C3orf62: variants seen among roughly 807,000 people sequenced by gnomAD.
The protein encoded by C3orf62 is uncharacterized protein C3orf62.
In C3orf62, 16 loss-of-function variants were observed where a neutral mutation model predicts 21.7. The ratio of observed to expected loss-of-function variants is 0.74; its 90% CI spans 0.50 to 1.12. The LOEUF is 1.12. Ranked by LOEUF, C3orf62 falls within the 50% of genes most tolerant of loss-of-function variation. The pLI, the probability that C3orf62 is intolerant of heterozygous loss-of-function variation, is 0.00. For synonymous variants in C3orf62, 114 were observed against 117.0 expected (o/e 0.97, Z 0.17); for missense variants, 310 against 318.8 (o/e 0.97, Z 0.21).
At chr3:49,274,182 G>T in intron 1 of C3orf62, 42 bp from the exon 2 acceptor site, 2 of 1,462,970 alleles carry the variant, frequency 1.4e-6, no homozygotes, top group South Asian at 1.1e-5. Context: ...TGGGGAATTA[G>T]ATTCTCTTTC....
At chr3:49,274,371 C>A in intron 1 of C3orf62, 1 of 460,284 alleles carries the variant, frequency 2.2e-6, no homozygotes, top group Admixed American at 3.6e-5. Flanking sequence ...AAATTTTTTT[C>A]TTTTTTAGAG....
Position 49,269,607 on chromosome 3 carries a change from G to T in C3orf62, c.*1573C>A, listed in dbSNP as rs1211687176. ...ACTCCACAGGCTGTGAATGCTTTGTGCTACCTCCTGCAGGGTCTGAGTGGT... is the reference window on the plus strand; with the variant it reads ...ACTCCACAGGCTGTGAATGCTTTGTTCTACCTCCTGCAGGGTCTGAGTGGT... On this transcript the variant is annotated 3_prime_UTR_variant, in exon 3 of 3. Transcript: ENST00000343010. 3 of 152,246 alleles carry T rather than the reference G, an allele frequency of 2.0e-5. No homozygotes were observed. The highest frequency in any genetic ancestry group is 7.2e-5 in the African/African-American group (3 of 41,454). The allele number at this position is 152,246 out of a possible 1,614,324, so 9.4% of individuals were successfully genotyped here.
At chr3:49,274,261 A>G in intron 1 of C3orf62, 121 bp from the exon 2 acceptor site, 1 of 705,580 alleles carries the variant, frequency 1.4e-6, no homozygotes, top group Non-Finnish European at 2.4e-6. Context: ...TGACCTTGTC[A>G]TTTATGCTTT....
Position 49,270,984 on chromosome 3 carries a change from C to A in C3orf62, c.*196G>T. 3 of 571,934 alleles carry A rather than the reference C, an allele frequency of 5.2e-6. No homozygotes were observed. The highest frequency in any genetic ancestry group is 2.9e-5 in the East Asian group (1 of 35,044). The allele number at this position is 571,934 out of a possible 1,614,324, so 35.4% of individuals were successfully genotyped here. ...AAAAAAAAAAATCAGTAATAGGAAA[C>A]ATTTCAAAGCAATGGAATTCAAAAA... is the stretch of plus-strand genomic sequence containing the variant. On this transcript the variant is annotated 3_prime_UTR_variant, in exon 3 of 3. Transcript: ENST00000343010.
intron 1 of C3orf62, 68 bp from the exon 2 acceptor site, chr3:49,274,208 G>T: frequency 1.6e-6 from 2 of 1,230,680 alleles, no homozygotes; most frequent in East Asian, 4.7e-5. Flanking sequence ...AATATTGAAG[G>T]GAAACTCAGT....
At chr3:49,273,743 C>T (rs185280570) in intron 2 of C3orf62, among the ~76,000 whole-genome samples, 2 of 151,962 alleles carry the variant, frequency 1.3e-5, no homozygotes, top group Non-Finnish European at 2.9e-5. Context: ...GCAACCTCTG[C>T]CTCCCGGGTT....
chr3:49,272,534 CTTTTTTTTTTTTTTTTT>C (rs746086446), intron 2 of C3orf62, among the ~76,000 whole-genome samples: 1 of 51,810 alleles, frequency 1.9e-5, no homozygotes, highest in African/African-American at 8.6e-5. Context: ...TTCTCCTAAT[CTTTTTTTTTTTTTTTTT>C]TTTTTTTTTT....
Position 49,277,088 on chromosome 3 carries a change from C to T in C3orf62, c.-216G>A. On this transcript the variant is annotated 5_prime_UTR_variant, in exon 1 of 3. Coordinates refer to ENST00000343010, the MANE Select transcript of C3orf62 (RefSeq NM_198562.3). ...CCCCACTTCCCACAGCTTCCTGGCC[C>T]GCCCCGCCGCTGCCTCCCGCCCCAC... 6.7e-7 allele frequency: 1 copy of T among 1,487,928 alleles called. No individual in the cohort carries two copies. The highest frequency in any genetic ancestry group is 9.0e-7 in the Non-Finnish European group (1 of 1,116,824). The allele number at this position is 1,487,928 out of a possible 1,614,324, so 92.2% of individuals were successfully genotyped here.
At chr3:49,272,867 T>C (rs2046923576) in intron 2 of C3orf62, among the ~76,000 whole-genome samples, 1 of 152,094 alleles carries the variant, frequency 6.6e-6, no homozygotes, top group African/African-American at 2.4e-5. Flanking sequence ...TCTCCTAATC[T>C]TTAATTACTG....
Position 49,277,075 on chromosome 3 carries a change from C to G in C3orf62, c.-203G>C, listed in dbSNP as rs1180724657. On this transcript the variant is annotated 5_prime_UTR_variant, in exon 1 of 3. Coordinates refer to ENST00000343010, the MANE Select transcript of C3orf62 (RefSeq NM_198562.3). ...CAAAGACGCCCCGCCCCACTTCCCA[C>G]AGCTTCCTGGCCCGCCCCGCCGCTG... The G allele has an allele frequency of 1.3e-6, 2 of 1,486,948 alleles. No homozygotes were observed. The highest frequency in any genetic ancestry group is 1.8e-6 in the Non-Finnish European group (2 of 1,118,374). 92.1% of individuals were successfully genotyped at this position (1,486,948 alleles called of 1,614,324 possible). A position where few individuals can be genotyped will look rare whatever the true frequency, so the allele number is the denominator to read the frequency against.
chr3:49,274,342 G>A, intron 1 of C3orf62: 1 of 545,668 alleles, frequency 1.8e-6, no homozygotes, highest in Non-Finnish European at 3.3e-6. Context: ...AATGACTCAC[G>A]AGCATCGCAG....
Position 49,276,686 on chromosome 3 carries a change from G to T in C3orf62, c.187C>A (p.Leu63Ile), listed in dbSNP as rs748190744. Residue 63 changes from leucine to isoleucine, a missense_variant, in exon 1 of 3, where the codon CTC (leucine) becomes ATC (isoleucine). By Grantham distance (5) the Leu-to-Ile change is conservative. Coordinates refer to ENST00000343010, the MANE Select transcript of C3orf62 (RefSeq NM_198562.3). ...GCCAGAGGATGTCTTCTGCAGAGGA[G>T]CCTGTGCACGGGCAGCGAGAAGGAG... ...PLSFSLPVHR[L>I]LCRRHPLAAC... The T allele has an allele frequency of 1.2e-6, 2 of 1,614,198 alleles. No homozygotes were observed. Among genetic ancestry groups the T allele is most frequent in the South Asian group, 2.2e-5 (2 of 91,084 alleles).
chr3:49,275,529 T>TGG (rs1309432110), intron 1 of C3orf62, among the ~76,000 whole-genome samples: 1 of 114,112 alleles, frequency 8.8e-6, no homozygotes, highest in African/African-American at 3.4e-5. Context: ...GTTTTTTTTT[T>TGG]TTTTTTTTTT....
At position 49,271,119 on chromosome 3, in the gene C3orf62, C is replaced by A; in HGVS notation, c.*61G>T. The A allele has an allele frequency of 6.5e-7, 1 of 1,541,654 alleles. No individual in the cohort carries two copies. The highest frequency in any genetic ancestry group is 8.8e-7 in the Non-Finnish European group (1 of 1,136,748). On this transcript the variant is annotated 3_prime_UTR_variant, in exon 3 of 3. Coordinates refer to ENST00000343010, the MANE Select transcript of C3orf62 (RefSeq NM_198562.3). The stretch of plus-strand genomic sequence containing the variant: ...TGGCCCCTGACGGCCATTGTAGCTG[C>A]TTCTGCTCAGGCTCAAGGGCAGCCT...
chr3:49,276,401 T>A, intron 1 of C3orf62, 26 bp downstream of exon 1: 2 of 1,592,730 alleles, frequency 1.3e-6, no homozygotes, highest in Non-Finnish European at 1.7e-6. Flanking sequence ...TAATTGTAGC[T>A]GTTAAACCAT....
intron 2 of C3orf62, among the ~76,000 whole-genome samples, chr3:49,272,426 GAAA>G (rs1343369662): frequency 6.8e-6 from 1 of 146,312 alleles, no homozygotes; most frequent in Non-Finnish European, 1.5e-5. Flanking sequence ...TTTGTATGTA[GAAA>G]AAAAGTCTGA....
chr3:49,268,846 A>C lies in C3orf62; in HGVS notation c.*2334T>G, dbSNP rs1343737577. The C allele has an allele frequency of 6.6e-6, 1 of 151,998 alleles. No homozygotes were observed. The highest frequency in any genetic ancestry group is 1.5e-5 in the Non-Finnish European group (1 of 68,042). The allele number at this position is 151,998 out of a possible 1,614,324, so 9.4% of individuals were successfully genotyped here. ...CAGTGATGCGATCTTGGCTCACTGC[A>C]ACCTCCACCTCCTGGGTTCAAGCAA... On this transcript the variant is annotated 3_prime_UTR_variant, in exon 3 of 3. Coordinates refer to ENST00000343010, the MANE Select transcript of C3orf62 (RefSeq NM_198562.3).
intron 1 of C3orf62, among the ~76,000 whole-genome samples, chr3:49,274,974 G>A (rs2046941208): frequency 6.8e-6 from 1 of 147,384 alleles, no homozygotes; most frequent in Non-Finnish European, 1.5e-5. Flanking sequence ...CGGCCGCAAC[G>A]GCACCCAGCT....
intron 1 of C3orf62, among the ~76,000 whole-genome samples, chr3:49,275,531 T>TTTG (rs2046949347): frequency 8.5e-6 from 1 of 118,050 alleles, no homozygotes; most frequent in Non-Finnish European, 1.8e-5. Context: ...TTTTTTTTTT[T>TTTG]TTTTTTTTTT....
Sources: allele counts gnomAD v4.1 joint callset (sites outside exome capture counted in the v4.1 genomes callset), GRCh38; gene constraint gnomAD v4.1.1; transcripts MANE v1.5; gene names NCBI Gene and HGNC (gene_info 2026-07-23, HGNC 2026-07-21).